TRIM5: variants seen among roughly 807,000 people sequenced by gnomAD.
TRIM5 encodes the protein tripartite motif containing 5.
In TRIM5, 31 loss-of-function variants were observed where a neutral mutation model predicts 35.6. That is an observed-to-expected ratio of 0.87 (90% CI 0.65 to 1.18). TRIM5 has a LOEUF of 1.18. TRIM5 is among the 50% of genes most tolerant of loss of function. TRIM5 has a pLI of 0.00. For missense variants in TRIM5, 609 were observed against 591.6 expected, an observed-to-expected ratio of 1.03 and a Z score of -0.31; for synonymous variants, 243 against 215.6, an observed-to-expected ratio of 1.13 and a Z score of -1.11.
the TRIM5 span, chr11:5,645,905 A>G: frequency 1.8e-4 from 26 of 144,056 alleles, no homozygotes; most frequent in African/African-American, 7.8e-4. Flanking sequence ...ATCTATATAT[A>G]GATATATATA....
chr11:5,607,271 A>G, the TRIM5 span, among the ~76,000 whole-genome samples: 1 of 152,220 alleles, frequency 6.6e-6, no homozygotes, highest in African/African-American at 2.4e-5. Flanking sequence ...AACATAAGAG[A>G]AGTAGCCACA....
rs1564904505 is a variant in TRIM5, at chr11:5,664,678, G to A, written c.*131C>T. On this transcript the variant is annotated 3_prime_UTR_variant, in exon 8 of 8. Coordinates refer to ENST00000380034, the MANE Select transcript of TRIM5 (RefSeq NM_033034.3). Reference sequence around the variant, plus strand: ...CAATTATTACATTTTACTGATGAGTGAAGGACGTTCAAATAGAAAGAAGGG... The same window carrying A: ...CAATTATTACATTTTACTGATGAGTAAAGGACGTTCAAATAGAAAGAAGGG... The A allele has an allele frequency of 6.9e-7, 1 of 1,455,074 alleles. No individual in the cohort carries two copies. 90.1% of individuals were successfully genotyped at this position (1,455,074 alleles called of 1,614,324 possible). A position where few individuals can be genotyped will look rare whatever the true frequency, so the allele number is the denominator to read the frequency against.
the TRIM5 span, chr11:5,632,306 C>A: frequency 2.4e-5 from 38 of 1,613,718 alleles, no homozygotes; most frequent in Non-Finnish European, 3.0e-5. Flanking sequence ...GGAGTTAGGA[C>A]CAGAAGAAGC....
chr11:5,666,167 AT>A, intron 5 of TRIM5, 86 bp from the exon 6 acceptor site: 1 of 1,139,964 alleles, frequency 8.8e-7, no homozygotes, highest in Non-Finnish European at 1.3e-6. Flanking sequence ...ATTTCAACCC[AT>A]TGAGGCACTT....
At chr11:5,642,721 T>A in the TRIM5 span, 76 of 1,533,600 alleles carry the variant, frequency 5.0e-5, no homozygotes, top group Non-Finnish European at 6.5e-5. Flanking sequence ...AGCTTCATGG[T>A]ATTCCCTTCC....
intron 2 of TRIM5, 26 bp downstream of exon 2, chr11:5,679,735 C>T (rs1295614841): frequency 6.5e-7 from 1 of 1,536,908 alleles, no homozygotes; most frequent in Admixed American, 2.0e-5. Flanking sequence ...TTTCTGCCCT[C>T]TCTTCCTTCC....
At chr11:5,670,701 A>G (rs1283265195) in intron 4 of TRIM5, among the ~76,000 whole-genome samples, 1 of 152,242 alleles carries the variant, frequency 6.6e-6, no homozygotes, top group African/African-American at 2.4e-5. Context: ...ATTCATCAGG[A>G]GACGACAGAA....
At chr11:5,633,803 G>A in the TRIM5 span, 1 of 1,613,220 alleles carries the variant, frequency 6.2e-7, no homozygotes, top group Non-Finnish European at 8.5e-7. Flanking sequence ...CCTTCTCATA[G>A]GAGAAACTCC....
At chr11:5,632,878 G>A in the TRIM5 span, 1 of 1,292,072 alleles carries the variant, frequency 7.7e-7, no homozygotes, top group African/African-American at 1.6e-5. Context: ...CCAGGCTGGA[G>A]TGCAGTGGCG....
At chr11:5,636,395 A>G in the TRIM5 span, among the ~76,000 whole-genome samples, 22 of 152,354 alleles carry the variant, frequency 1.4e-4, no homozygotes, top group Non-Finnish European at 2.2e-4. Context: ...TAATTAGTGT[A>G]CAATTTCTAT....
the TRIM5 span, among the ~76,000 whole-genome samples, chr11:5,651,269 CA>C: frequency 6.6e-6 from 1 of 152,132 alleles, no homozygotes; most frequent in African/African-American, 2.4e-5. Flanking sequence ...AATTTAGGTT[CA>C]GGGGTACATG....
At chr11:5,625,049 G>A in the TRIM5 span, 1 of 152,372 alleles carries the variant, frequency 6.6e-6, no homozygotes, top group Non-Finnish European at 1.5e-5. Flanking sequence ...CGAGATTTCT[G>A]TTGCTCTGAA....
chr11:5,673,776 T>A (rs541079636), intron 4 of TRIM5, among the ~76,000 whole-genome samples: 1 of 152,122 alleles, frequency 6.6e-6, no homozygotes, highest in Non-Finnish European at 1.5e-5. Context: ...TTAAAAAAAT[T>A]CTTCAATGCT....
the TRIM5 span, among the ~76,000 whole-genome samples, chr11:5,650,167 G>A: frequency 8.5e-5 from 13 of 152,316 alleles, no homozygotes; most frequent in South Asian, 2.7e-3. Flanking sequence ...CAGAGTAAAT[G>A]TCTATTCCAG....
At chr11:5,657,489 TTA>T in the TRIM5 span, among the ~76,000 whole-genome samples, 33,493 of 138,194 alleles carry the variant, frequency 0.24, 5,127 homozygotes, top group South Asian at 0.41. Context: ...TATAATGCAT[TTA>T]TATATATATT....
chr11:5,647,048 G>A, the TRIM5 span, among the ~76,000 whole-genome samples: 1 of 152,206 alleles, frequency 6.6e-6, no homozygotes, highest in Non-Finnish European at 1.5e-5. Flanking sequence ...TGAGGTTGCA[G>A]GACCTGGCTC....
chr11:5,610,558 TG>T, the TRIM5 span: 2 of 1,613,436 alleles, frequency 1.2e-6, no homozygotes, highest in East Asian at 4.5e-5. Context: ...CCAAAGCTAC[TG>T]GGGTAAGTAG....
the TRIM5 span, chr11:5,611,245 A>G: frequency 6.2e-7 from 1 of 1,613,926 alleles, no homozygotes; most frequent in Non-Finnish European, 8.5e-7. Flanking sequence ...TTCCCCATCT[A>G]CACTTTCTCT....
the TRIM5 span, among the ~76,000 whole-genome samples, chr11:5,594,148 C>G: frequency 6.6e-6 from 1 of 152,168 alleles, no homozygotes; most frequent in East Asian, 1.9e-4. Context: ...TTTCGAGACC[C>G]CTTGAATTAT....
Sources: allele counts gnomAD v4.1 joint callset (sites outside exome capture counted in the v4.1 genomes callset), GRCh38; gene constraint gnomAD v4.1.1; transcripts MANE v1.5; gene names NCBI Gene and HGNC (gene_info 2026-07-23, HGNC 2026-07-21).